The following PODXL variants were observed in gnomAD, a reference collection of about 807,000 sequenced individuals.
PODXL encodes podocalyxin like.
A neutral mutation model predicts 48.9 loss-of-function variants in PODXL; 20 were observed. The observed-to-expected ratio is 0.41, with a 90% confidence interval of 0.29 to 0.59. PODXL has a LOEUF of 0.59. Among genes scored for constraint, PODXL ranks in the 20% least tolerant of loss-of-function variants. The pLI, the probability that PODXL is intolerant of heterozygous loss-of-function variation, is 0.31. For synonymous variants in PODXL, 295 were observed against 287.4 expected (o/e 1.03, Z -0.27); for missense variants, 606 against 675.1 (o/e 0.90, Z 1.13).
chr7:131,555,952 C>G (rs1798734710), intron 1 of PODXL, among the ~76,000 whole-genome samples: 1 of 152,240 alleles, frequency 6.6e-6, no homozygotes, highest in African/African-American at 2.4e-5. Context: ...GCGGTGCGGT[C>G]TCCCTTTTCT....
chr7:131,521,482 T>C (rs1443330148), intron 1 of PODXL, among the ~76,000 whole-genome samples: 1 of 151,926 alleles, frequency 6.6e-6, no homozygotes, highest in Admixed American at 6.6e-5. Flanking sequence ...GCTGGGATTA[T>C]AGGCATGCAC....
chr7:131,547,861 G>C (rs1741050834), intron 1 of PODXL, among the ~76,000 whole-genome samples: 2 of 152,312 alleles, frequency 1.3e-5, no homozygotes, highest in East Asian at 1.9e-4. Flanking sequence ...CTGTCACTGA[G>C]AGCTCATAGC....
Position 131,556,268 on chromosome 7 carries a change from GA to G in PODXL, c.91del (p.Ser31ProfsTer136). 1 of 1,449,874 alleles carries G rather than the reference GA, an allele frequency of 6.9e-7. No individual in the cohort carries two copies. The highest frequency in any genetic ancestry group is 2.0e-5 in the African/African-American group (1 of 50,946). 89.8% of individuals were successfully genotyped at this position (1,449,874 alleles called of 1,614,324 possible). On this transcript the variant is annotated frameshift_variant, in exon 1 of 9. Coordinates refer to ENST00000378555, the MANE Select transcript of PODXL (RefSeq NM_001018111.3). LOFTEE classifies it high-confidence loss of function. ...PSSPSPSPSP[S>X]QNATQTTTDS... ...CCAGGCCGGCCACTCACCATTCTGGGAGGGCGACGGCGACGGCGACGGCGAC... is the reference window on the plus strand; with the variant it reads ...CCAGGCCGGCCACTCACCATTCTGGGGGGCGACGGCGACGGCGACGGCGAC...
intron 1 of PODXL, among the ~76,000 whole-genome samples, chr7:131,523,695 A>C (rs1436382436): frequency 9.7e-6 from 1 of 103,354 alleles, no homozygotes; most frequent in African/African-American, 8.7e-5. Context: ...AAAAAAAAAA[A>C]AAAAAAACAA....
chr7:131,535,484 C>T (rs185508017), intron 1 of PODXL, among the ~76,000 whole-genome samples: 29 of 152,294 alleles, frequency 1.9e-4, no homozygotes, highest in Middle Eastern at 3.4e-3. Flanking sequence ...AACACCCTCT[C>T]GTGTGTGGAA....
At chr7:131,543,194 C>T (rs1368705095) in intron 1 of PODXL, among the ~76,000 whole-genome samples, 1 of 152,178 alleles carries the variant, frequency 6.6e-6, no homozygotes, top group African/African-American at 2.4e-5. Flanking sequence ...ACAATCATAG[C>T]TCACTACAGC....
At chr7:131,553,815 C>G (rs1798701847) in intron 1 of PODXL, among the ~76,000 whole-genome samples, 1 of 152,200 alleles carries the variant, frequency 6.6e-6, no homozygotes. Flanking sequence ...AACTAGAGGT[C>G]CCTTTGGTTC....
At chr7:131,532,123 A>AATAATCATC (rs1798289258) in intron 1 of PODXL, among the ~76,000 whole-genome samples, 1 of 147,946 alleles carries the variant, frequency 6.8e-6, no homozygotes. Flanking sequence ...TAATAATAAT[A>AATAATCATC]ATCATCATCA....
At position 131,500,341 on chromosome 7, in the gene PODXL, T is replaced by C. The variant is rs1447494389; in HGVS notation, c.*3970A>G. On this transcript the variant is annotated 3_prime_UTR_variant, in exon 9 of 9. Coordinates refer to ENST00000378555, the MANE Select transcript of PODXL (RefSeq NM_001018111.3). ...ATATTTTTGTAAGAAAATGCAATAA[T>C]TATTAACTATAGTTTTTACAAACAA... 2 of 152,660 alleles carry C rather than the reference T, an allele frequency of 1.3e-5. No homozygotes were observed. The highest frequency in any genetic ancestry group is 2.9e-5 in the Non-Finnish European group (2 of 68,048). 9.5% of individuals were successfully genotyped at this position (152,660 alleles called of 1,614,324 possible). A position where few individuals can be genotyped will look rare whatever the true frequency, so the allele number is the denominator to read the frequency against.
Position 131,504,155 on chromosome 7 carries a change from T to G in PODXL, c.*156A>C. 1 of 622,574 alleles carries G rather than the reference T, an allele frequency of 1.6e-6. No homozygotes were observed. Among genetic ancestry groups the G allele is most frequent in the South Asian group, 2.0e-5 (1 of 51,258 alleles). 38.6% of individuals were successfully genotyped at this position (622,574 alleles called of 1,614,324 possible). A position where few individuals can be genotyped will look rare whatever the true frequency, so the allele number is the denominator to read the frequency against. On this transcript the variant is annotated 3_prime_UTR_variant, in exon 9 of 9. Coordinates refer to ENST00000378555, the MANE Select transcript of PODXL (RefSeq NM_001018111.3). ...CTGGACAGAATGTGATTTGTTCAGG[T>G]TGAAAAGGGAAAAATTAAGGCCCTG...
rs528980277 is a variant in PODXL at position 131,515,645 on chromosome 7, C to T, written c.101-4212G>A. Among the ~76,000 whole-genome samples, 14 of 152,262 alleles carry T rather than the reference C, an allele frequency of 9.2e-5. No homozygotes were observed. In the East Asian group the frequency reaches 9.6e-4, roughly 10 times the overall value. ...CTCGAACTACTGACCTCAGATATTC[C>T]GCCCACCTTGGCCTCCCAAAGTGCA... On this transcript the variant is annotated intron_variant, in intron 1 of 8. Coordinates refer to ENST00000378555, the MANE Select transcript of PODXL (RefSeq NM_001018111.3).
chr7:131,547,640 A>G (rs1019448826), intron 1 of PODXL, among the ~76,000 whole-genome samples: 1 of 152,114 alleles, frequency 6.6e-6, no homozygotes. Context: ...TCACAGCAAA[A>G]TTTTTTGTCA....
At chr7:131,531,927 A>G (rs1346250717) in intron 1 of PODXL, among the ~76,000 whole-genome samples, 1 of 151,538 alleles carries the variant, frequency 6.6e-6, no homozygotes, top group Non-Finnish European at 1.5e-5. Context: ...CCTGACCAAC[A>G]TGGAGAAACC....
In PODXL at chr7:131,511,126, G is replaced by A. The variant is rs771110357; in HGVS notation, c.408C>T (p.Thr136=). 3.7e-6 allele frequency: 6 copies of A among 1,613,986 alleles called. No individual in the cohort carries two copies. Among genetic ancestry groups the A allele is most frequent in the South Asian group, 3.3e-5 (3 of 91,064 alleles). Residue 136 remains threonine (T), a synonymous_variant, in exon 2 of 9, where the codon ACC becomes ACT. Transcript: ENST00000378555. ...TKSADTTTVA[T]STATAKPNTT... ...TGTTAGGTTTAGCTGTGGCTGTGGA[G>A]GTTGCAACTGTAGTGGTGTCTGCAC...
chr7:131,545,425 G>A (rs1798559524), intron 1 of PODXL, among the ~76,000 whole-genome samples: 2 of 152,208 alleles, frequency 1.3e-5, no homozygotes, highest in African/African-American at 4.8e-5. Context: ...AGGACTGTCT[G>A]GGTTTTAGTA....
chr7:131,550,032 C>A (rs985349662), intron 1 of PODXL, among the ~76,000 whole-genome samples: 3 of 152,192 alleles, frequency 2.0e-5, no homozygotes, highest in South Asian at 2.1e-4. Flanking sequence ...GCTTGGGATG[C>A]GGGAGATGTG....
intron 1 of PODXL, among the ~76,000 whole-genome samples, chr7:131,531,769 AG>A: frequency 6.6e-6 from 1 of 152,274 alleles, no homozygotes; most frequent in East Asian, 1.9e-4. Context: ...TCTCATCTTG[AG>A]GTCCTCAGTT....
chr7:131,538,248 T>C (rs985799436), intron 1 of PODXL, among the ~76,000 whole-genome samples: 2 of 152,110 alleles, frequency 1.3e-5, no homozygotes, highest in African/African-American at 4.8e-5. Context: ...CCCACTCCGT[T>C]GTGTGTCCCA....
At chr7:131,525,902 T>G (rs977197587) in intron 1 of PODXL, among the ~76,000 whole-genome samples, 2 of 152,224 alleles carry the variant, frequency 1.3e-5, no homozygotes, top group Non-Finnish European at 2.9e-5. Context: ...CCTGTGATGC[T>G]TGATGAGAGG....
Sources: allele counts gnomAD v4.1 joint callset (sites outside exome capture counted in the v4.1 genomes callset), GRCh38; gene constraint gnomAD v4.1.1; transcripts MANE v1.5; gene names NCBI Gene and HGNC (gene_info 2026-07-23, HGNC 2026-07-21).